The following MROH9 variants were observed in gnomAD, a reference collection of about 807,000 sequenced individuals.
MROH9 encodes the protein maestro heat-like repeat-containing protein family member 9.
Under a neutral mutation model 98.2 loss-of-function variants are expected in MROH9, and 92 were observed. The observed-to-expected ratio is 0.94, with a 90% CI of 0.79 to 1.11. The LOEUF (loss-of-function observed/expected upper bound fraction) is 1.11. MROH9 is among the 50% of genes most tolerant of loss of function. The pLI, the probability that MROH9 is intolerant of heterozygous loss-of-function variation, is 0.00. For synonymous variants in MROH9, 397 were observed against 368.9 expected, an observed-to-expected ratio of 1.08 and a Z score of -0.87; for missense variants, 1,057 against 1,014.8, an observed-to-expected ratio of 1.04 and a Z score of -0.57.
Position 171,043,833 on chromosome 1 carries a change from A to T in MROH9, c.2282-18299A>T, listed in dbSNP as rs1272110835. ...CGTATGTTGATTTTTGTATTTTACA[A>T]CTTTACTGGATTATCAGTTCTAATA... On this transcript the variant is annotated intron_variant, in intron 20 of 21. Transcript: ENST00000367759. Among the ~76,000 whole-genome samples the T allele has an allele frequency of 2.0e-5, 3 of 152,036 alleles. No homozygotes were observed. The South Asian group carries it at 6.2e-4, about 31-fold the overall frequency.
chr1:170,941,990 C>T (rs575116801), intron 1 of MROH9, among the ~76,000 whole-genome samples: 1 of 152,166 alleles, frequency 6.6e-6, no homozygotes, highest in African/African-American at 2.4e-5. Flanking sequence ...GTAGTTAGAG[C>T]CATTTCCAAC....
At chr1:171,027,287 G>A (rs1652747490) in intron 20 of MROH9, among the ~76,000 whole-genome samples, 1 of 152,052 alleles carries the variant, frequency 6.6e-6, no homozygotes, top group African/African-American at 2.4e-5. Context: ...TCCCACTTAT[G>A]AGTGAGAACA....
intron 20 of MROH9, among the ~76,000 whole-genome samples, chr1:171,052,218 G>T (rs1653691225): frequency 1.3e-5 from 2 of 152,264 alleles, no homozygotes; most frequent in South Asian, 4.1e-4. Flanking sequence ...TTGTATTCCT[G>T]CGGAATCAGT....
intron 20 of MROH9, among the ~76,000 whole-genome samples, chr1:171,051,345 C>T (rs1197411991): frequency 1.3e-5 from 2 of 151,998 alleles, no homozygotes; most frequent in Admixed American, 6.6e-5. Flanking sequence ...GCCTAAACAT[C>T]CATCAATACT....
intron 15 of MROH9, among the ~76,000 whole-genome samples, chr1:171,013,225 C>T (rs980897714): frequency 2.0e-5 from 3 of 152,184 alleles, no homozygotes; most frequent in Non-Finnish European, 2.9e-5. Flanking sequence ...GGGTCCCCAG[C>T]TCCCTGGGCC....
intron 17 of MROH9, among the ~76,000 whole-genome samples, chr1:171,017,228 G>A (rs1333670804): frequency 6.6e-6 from 1 of 152,190 alleles, no homozygotes; most frequent in African/African-American, 2.4e-5. Context: ...TGCAAATCCT[G>A]CACTGGCAAC....
chr1:171,045,128 G>A (rs893463290), intron 20 of MROH9, among the ~76,000 whole-genome samples: 1 of 150,506 alleles, frequency 6.6e-6, no homozygotes, highest in African/African-American at 2.4e-5. Flanking sequence ...CAGCCTCCGA[G>A]TAGCTGGGAC....
In MROH9 at chr1:170,980,270, C is replaced by T. The variant is rs139226779; in HGVS notation, c.617-3152C>T. 5.5e-3 allele frequency among the ~76,000 whole-genome samples: 834 copies of T among 152,110 alleles called. 6 individuals carry two copies. Among genetic ancestry groups the T allele is most frequent in the Non-Finnish European group, 8.4e-3 (573 of 67,984 alleles). On this transcript the variant is annotated intron_variant, in intron 8 of 21. Transcript: ENST00000367759. ...TGTCATATGGAATCAAAAAAGACCC[C>T]GTAGAGCCAAGACAGTCCTAAGCAA...
chr1:170,986,576 T>C lies in MROH9; in HGVS notation c.745T>C (p.Leu249=). ...GTGGTTGCAGAGAGTAGGGCAAACC[T>C]TACTGCCTCCCTTGCTGACTGACTT... ...SKIAQRVGQT[L]LPPLLTDFVQ... is the part of the protein sequence containing the mutation. Residue 249 remains leucine (L), a synonymous_variant, in exon 10 of 22, where the codon TTA becomes CTA. Coordinates refer to ENST00000367759, the MANE Select transcript of MROH9 (RefSeq NM_001163629.2). 1 of 1,613,612 alleles carries C rather than the reference T, an allele frequency of 6.2e-7. No individual in the cohort carries two copies.
At chr1:170,995,249 G>C in intron 12 of MROH9, 140 bp from the exon 13 acceptor site, 1 of 797,270 alleles carries the variant, frequency 1.3e-6, no homozygotes, top group Non-Finnish European at 2.0e-6. Flanking sequence ...TAAATGAATG[G>C]ATACCCATAT....
chr1:170,992,411 A>T (rs978247479), intron 12 of MROH9, 82 bp downstream of exon 12: 30 of 1,419,952 alleles, frequency 2.1e-5, no homozygotes, highest in Non-Finnish European at 2.7e-5. Flanking sequence ...AGACTCAATC[A>T]TACTTTCTTA....
At chr1:170,984,973 G>T (rs1651075466) in intron 9 of MROH9, among the ~76,000 whole-genome samples, 1 of 152,104 alleles carries the variant, frequency 6.6e-6, no homozygotes, top group African/African-American at 2.4e-5. Flanking sequence ...GCTAACCATG[G>T]AAGCTGGAAG....
At position 170,971,860 on chromosome 1, in the gene MROH9, T is replaced by G; in HGVS notation, c.593T>G (p.Leu198Arg). 2 of 1,614,026 alleles carry G rather than the reference T, an allele frequency of 1.2e-6. No homozygotes were observed. The highest frequency in any genetic ancestry group is 1.1e-5 in the South Asian group (1 of 91,058). The stretch of plus-strand genomic sequence containing the variant: ...GCATCATTGGGAATGTGTCACCTCC[T>G]CTACATTGCACGGTGTCAGAACGGT... ...KQASLGMCHL[L>R]YIARCQNDIG... The change falls in exon 8 of 22, where the codon CTC (leucine) becomes CGC (arginine). Residue 198 changes from leucine to arginine, a missense_variant. Physicochemically the swap from Leu to Arg is moderately radical, Grantham distance 102. Coordinates refer to ENST00000367759, the MANE Select transcript of MROH9 (RefSeq NM_001163629.2).
intron 1 of MROH9, among the ~76,000 whole-genome samples, chr1:170,938,960 G>T (rs1358563715): frequency 6.6e-6 from 1 of 152,180 alleles, no homozygotes. Context: ...TTACATCCCT[G>T]ACACTATGGC....
chr1:170,998,471 T>A (rs1651668368), intron 15 of MROH9, 197 bp downstream of exon 15: 2 of 1,521,790 alleles, frequency 1.3e-6, no homozygotes, highest in Admixed American at 4.1e-5. Flanking sequence ...TCCCTTCAGC[T>A]TTCCCCAGCA....
In MROH9 at chr1:171,064,356, A is replaced by G. The variant is rs763254054; in HGVS notation, c.*16A>G. On this transcript the variant is annotated 3_prime_UTR_variant, in exon 22 of 22. Coordinates refer to ENST00000367759, the MANE Select transcript of MROH9 (RefSeq NM_001163629.2). The stretch of plus-strand genomic sequence containing the variant: ...GGCCTTATAGAAGAGAATGATGATG[A>G]CATTCATCATTCATAAACAATGGGA... 2 of 1,510,908 alleles carry G rather than the reference A, an allele frequency of 1.3e-6. No homozygotes were observed. Among genetic ancestry groups the G allele is most frequent in the African/African-American group, 1.4e-5 (1 of 70,640 alleles). 93.6% of individuals were successfully genotyped at this position (1,510,908 alleles called of 1,614,324 possible).
chr1:170,937,459 A>C (rs1408285849), intron 1 of MROH9, among the ~76,000 whole-genome samples: 1 of 152,136 alleles, frequency 6.6e-6, no homozygotes, highest in African/African-American at 2.4e-5. Context: ...TTAAAAGGAA[A>C]TACTCATAAT....
Position 171,064,157 on chromosome 1 carries a change from C to T in MROH9, c.2403C>T (p.Thr801=). ...DPMIKQLAEI[T]YDIFKKKAHK... ...TGATCAAACAGTTGGCTGAAATAACCTATGATATTTTTAAGAAAAAAGCCC... is the reference window on the plus strand; with the variant it reads ...TGATCAAACAGTTGGCTGAAATAACTTATGATATTTTTAAGAAAAAAGCCC... Residue 801 remains threonine, a synonymous_variant, in exon 22 of 22, where the codon ACC becomes ACT. Coordinates refer to ENST00000367759, the MANE Select transcript of MROH9 (RefSeq NM_001163629.2). The T allele has an allele frequency of 6.4e-7, 1 of 1,550,896 alleles. No individual in the cohort carries two copies.
intron 3 of MROH9, among the ~76,000 whole-genome samples, chr1:170,956,223 A>G (rs1243052577): frequency 6.6e-6 from 1 of 152,138 alleles, no homozygotes; most frequent in Non-Finnish European, 1.5e-5. Context: ...CTATGGCCTT[A>G]TAGTACAGCT....
Sources: allele counts gnomAD v4.1 joint callset (sites outside exome capture counted in the v4.1 genomes callset), GRCh38; gene constraint gnomAD v4.1.1; transcripts MANE v1.5; gene names NCBI Gene and HGNC (gene_info 2026-07-23, HGNC 2026-07-21).